The following RSPO2 variants were observed in gnomAD, a reference collection of about 807,000 sequenced individuals.
The protein encoded by RSPO2 is R-spondin 2.
In RSPO2, 14 loss-of-function variants were observed where a neutral mutation model predicts 30.9. That is an observed-to-expected ratio of 0.45 (90% CI 0.30 to 0.71). RSPO2 has a LOEUF of 0.71. RSPO2 is among the 30% of genes least tolerant of loss of function. The pLI is 0.08. For missense variants in RSPO2, 264 were observed against 301.9 expected (o/e 0.87, Z 0.93); for synonymous variants, 107 against 96.4 (o/e 1.11, Z -0.64).
chr8:107,962,185 T>C (rs1231103144), intron 3 of RSPO2, among the ~76,000 whole-genome samples: 2 of 152,118 alleles, frequency 1.3e-5, no homozygotes, highest in Non-Finnish European at 2.9e-5. Context: ...TTAAGACATA[T>C]AGTTCCTATA....
intron 2 of RSPO2, chr8:107,996,924 C>T: frequency 4.4e-6 from 2 of 455,638 alleles, no homozygotes; most frequent in Non-Finnish European, 8.8e-6. Flanking sequence ...AAGTCCATAT[C>T]TTAGGTTATC....
chr8:107,964,105 T>C (rs1813720064), intron 3 of RSPO2, among the ~76,000 whole-genome samples: 1 of 152,238 alleles, frequency 6.6e-6, no homozygotes, highest in Non-Finnish European at 1.5e-5. Flanking sequence ...ATGCTGACCA[T>C]CTTGGCCTCA....
At position 108,082,724 on chromosome 8, in the gene RSPO2, G is replaced by A; in HGVS notation, c.-86C>T. The A allele has an allele frequency of 8.7e-7, 1 of 1,150,494 alleles. No individual in the cohort carries two copies. Among genetic ancestry groups the A allele is most frequent in the Middle Eastern group, 2.0e-4 (1 of 4,950 alleles). 71.3% of individuals were successfully genotyped at this position (1,150,494 alleles called of 1,614,324 possible). ...AAGAGCCGGCGCCGGCCGCGCTGCTGGGGAGGACTCAGAGGGAGACTCGCC... is the reference window on the plus strand; with the variant it reads ...AAGAGCCGGCGCCGGCCGCGCTGCTAGGGAGGACTCAGAGGGAGACTCGCC... On this transcript the variant is annotated 5_prime_UTR_variant, in exon 2 of 6. Transcript: ENST00000276659.
intron 5 of RSPO2, among the ~76,000 whole-genome samples, chr8:107,948,941 C>T (rs550181493): frequency 6.7e-6 from 1 of 150,316 alleles, no homozygotes; most frequent in East Asian, 1.9e-4. Context: ...GTAACTGCCC[C>T]CTGCAATATA....
chr8:107,981,848 AC>A (rs1814445851), intron 3 of RSPO2, among the ~76,000 whole-genome samples: 1 of 151,806 alleles, frequency 6.6e-6, no homozygotes, highest in African/African-American at 2.4e-5. Context: ...TAAATAAATA[AC>A]AGCCAGGCAT....
At chr8:108,056,069 A>G (rs1812232901) in intron 2 of RSPO2, among the ~76,000 whole-genome samples, 1 of 152,216 alleles carries the variant, frequency 6.6e-6, no homozygotes, top group African/African-American at 2.4e-5. Context: ...TCATTTGAGG[A>G]TTAAATAATA....
chr8:108,025,637 C>T (rs763437986), intron 2 of RSPO2, among the ~76,000 whole-genome samples: 3 of 152,028 alleles, frequency 2.0e-5, no homozygotes, highest in Non-Finnish European at 4.4e-5. Flanking sequence ...GCAATCCTCC[C>T]ACCTCAGCCT....
intron 2 of RSPO2, among the ~76,000 whole-genome samples, chr8:108,009,719 A>G (rs1356603494): frequency 1.3e-5 from 2 of 152,182 alleles, no homozygotes; most frequent in African/African-American, 4.8e-5. Context: ...AATTCTTGGA[A>G]GAGACAAAAA....
intron 2 of RSPO2, among the ~76,000 whole-genome samples, chr8:108,035,013 T>C (rs117110305): frequency 0.01 from 1,545 of 152,360 alleles, 22 homozygotes; most frequent in South Asian, 0.064. Flanking sequence ...GATTGAATGT[T>C]CTTTCCAGGG....
intron 2 of RSPO2, among the ~76,000 whole-genome samples, chr8:108,039,365 T>C (rs1811687617): frequency 6.6e-6 from 1 of 152,134 alleles, no homozygotes; most frequent in Non-Finnish European, 1.5e-5. Flanking sequence ...TTTAGAGGTA[T>C]TAACTCATTT....
chr8:108,037,103 T>C (rs141916391), intron 2 of RSPO2, among the ~76,000 whole-genome samples: 146 of 152,252 alleles, frequency 9.6e-4, no homozygotes, highest in African/African-American at 3.3e-3. Context: ...TCTCTCACTT[T>C]AAATAAAAAA....
intron 2 of RSPO2, among the ~76,000 whole-genome samples, chr8:108,042,543 G>A (rs971222285): frequency 6.6e-6 from 1 of 152,076 alleles, no homozygotes; most frequent in Non-Finnish European, 1.5e-5. Context: ...TAACTGCCAA[G>A]TTAATTAGAA....
Position 107,963,664 on chromosome 8 carries a change from T to C in RSPO2, c.284-2847A>G, listed in dbSNP as rs142135917. ...ATTTGGGGAGGGGATAGTAGAATTTTGAAATATGTTATTTTTCTGAATCAT... is the reference window on the plus strand; with the variant it reads ...ATTTGGGGAGGGGATAGTAGAATTTCGAAATATGTTATTTTTCTGAATCAT... On this transcript the variant is annotated intron_variant, in intron 3 of 5. Transcript: ENST00000276659. 4.7e-3 allele frequency among the ~76,000 whole-genome samples: 709 copies of C among 152,170 alleles called. 6 individuals carry two copies. The highest frequency in any genetic ancestry group is 7.7e-3 in the South Asian group (37 of 4,820).
chr8:107,982,184 A>G (rs1438082041), intron 3 of RSPO2, among the ~76,000 whole-genome samples: 1 of 152,184 alleles, frequency 6.6e-6, no homozygotes, highest in East Asian at 1.9e-4. Flanking sequence ...AAATTATAAA[A>G]TATCTCATTT....
intron 2 of RSPO2, among the ~76,000 whole-genome samples, chr8:108,000,736 T>G (rs888555173): frequency 6.6e-6 from 1 of 152,094 alleles, no homozygotes; most frequent in East Asian, 2.0e-4. Context: ...GCACGGTGGC[T>G]CATGCCTGTA....
intron 5 of RSPO2, among the ~76,000 whole-genome samples, chr8:107,914,651 T>C (rs542298716): frequency 6.6e-6 from 1 of 152,228 alleles, no homozygotes; most frequent in South Asian, 2.1e-4. Context: ...CTTCCTCCTT[T>C]AGAATTTTCA....
At chr8:108,081,092 AAAAGT>A (rs1484082638) in intron 2 of RSPO2, among the ~76,000 whole-genome samples, 3 of 152,218 alleles carry the variant, frequency 2.0e-5, no homozygotes, top group African/African-American at 7.2e-5. Context: ...AACAATTTCC[AAAAGT>A]CAGAAATCGG....
At chr8:108,064,745 T>A (rs1027706657) in intron 2 of RSPO2, among the ~76,000 whole-genome samples, 2 of 152,178 alleles carry the variant, frequency 1.3e-5, no homozygotes, top group African/African-American at 4.8e-5. Flanking sequence ...GGGGCACTAT[T>A]CACAATAGCA....
intron 2 of RSPO2, among the ~76,000 whole-genome samples, chr8:108,017,078 G>A (rs1391798790): frequency 2.7e-5 from 4 of 150,708 alleles, no homozygotes; most frequent in Non-Finnish European, 4.4e-5. Context: ...GTGCAGTGGC[G>A]CGATCTCGGC....
Sources: allele counts gnomAD v4.1 joint callset (sites outside exome capture counted in the v4.1 genomes callset), GRCh38; gene constraint gnomAD v4.1.1; transcripts MANE v1.5; gene names NCBI Gene and HGNC (gene_info 2026-07-23, HGNC 2026-07-21).